Variants in DIAPH2 observed in about 807,000 individuals in gnomAD.
The protein encoded by DIAPH2 is diaphanous related formin 2.
A neutral mutation model predicts 92.7 loss-of-function variants in DIAPH2; 35 were observed. The observed-to-expected ratio is 0.38, with a 90% CI of 0.29 to 0.50. The LOEUF (loss-of-function observed/expected upper bound fraction) is 0.50. Ranked by LOEUF, DIAPH2 falls within the 20% of genes least tolerant of loss-of-function variation. DIAPH2 has a pLI of 0.94. For missense variants in DIAPH2, 701 were observed against 819.5 expected (o/e 0.86, Z 1.77); for synonymous variants, 301 against 280.4 (o/e 1.07, Z -0.73).
intron 4 of DIAPH2, among the ~76,000 whole-genome samples, chrX:96,775,262 G>C (rs2064368394): frequency 9.1e-6 from 1 of 109,305 alleles, no homozygotes; most frequent in South Asian, 3.9e-4. Flanking sequence ...ATTGCTTTTA[G>C]AGTGTCTACA....
At chrX:96,695,300 A>G (rs139619937) in intron 1 of DIAPH2, among the ~76,000 whole-genome samples, 1 of 112,478 alleles carries the variant, frequency 8.9e-6, no homozygotes, top group African/African-American at 3.2e-5. Context: ...TTTATGATTC[A>G]AAAATGGCCT....
chrX:96,945,521 T>C lies in DIAPH2; in HGVS notation c.1445-6T>C. The stretch of plus-strand genomic sequence containing the variant: ...ATTTCGAATCACTTTTGTTTGATCT[T>C]AATAGATTCTTGTGTGAACAAGGCG... On this transcript the variant is annotated splice_polypyrimidine_tract_variant and splice_region_variant and intron_variant, in intron 13 of 26. Transcript: ENST00000324765. 1 of 1,167,435 alleles carries C rather than the reference T, an allele frequency of 8.6e-7. No individual in the cohort carries two copies. Among genetic ancestry groups the C allele is most frequent in the Non-Finnish European group, 1.1e-6 (1 of 877,190 alleles).
chrX:96,875,566 G>T (rs2065172907), intron 4 of DIAPH2, among the ~76,000 whole-genome samples: 1 of 111,102 alleles, frequency 9.0e-6, no homozygotes, highest in African/African-American at 3.3e-5. Context: ...ATAATTTGCG[G>T]TATATTCTCT....
chrX:97,021,445 G>A (rs1421368412), intron 17 of DIAPH2, among the ~76,000 whole-genome samples: 4 of 111,643 alleles, frequency 3.6e-5, no homozygotes, highest in Non-Finnish European at 7.5e-5. Flanking sequence ...AAATCCACCC[G>A]CCTTGGCTTC....
Position 97,242,677 on chromosome X carries a change from T to A in DIAPH2, c.2720-5038T>A, listed in dbSNP as rs147726862. 5.9e-3 allele frequency among the ~76,000 whole-genome samples: 635 copies of A among 108,454 alleles called. 5 individuals carry two copies. Among genetic ancestry groups the A allele is most frequent in the African/African-American group, 0.02 (604 of 29,842 alleles). 94.2% of individuals were successfully genotyped at this position (108,454 alleles called of 115,157 possible). The stretch of plus-strand genomic sequence containing the variant: ...CATGGCACCTGGCCTCTAACCTACT[T>A]TTCTAAGTTACATTTGTTTTATCTG... On this transcript the variant is annotated intron_variant, in intron 22 of 26. Coordinates refer to ENST00000324765, the MANE Select transcript of DIAPH2 (RefSeq NM_006729.5).
intron 4 of DIAPH2, among the ~76,000 whole-genome samples, chrX:96,831,231 C>T (rs933536521): frequency 1.8e-5 from 2 of 111,617 alleles, no homozygotes; most frequent in Non-Finnish European, 3.8e-5. Flanking sequence ...GAAGCCTTTC[C>T]TAACTTCCCA....
chrX:97,093,357 A>G (rs2066841344), intron 19 of DIAPH2, among the ~76,000 whole-genome samples: 1 of 111,422 alleles, frequency 9.0e-6, no homozygotes, highest in African/African-American at 3.3e-5. Context: ...ATCCTGCCCA[A>G]GGATTTAATT....
intron 5 of DIAPH2, among the ~76,000 whole-genome samples, chrX:96,899,971 A>G (rs186169295): frequency 0.078 from 5,668 of 72,813 alleles, 159 homozygotes; most frequent in Middle Eastern, 0.2. Flanking sequence ...CCTTTTCTGC[A>G]TCTATTGAGA....
chrX:96,814,606 G>A (rs750960863), intron 4 of DIAPH2, among the ~76,000 whole-genome samples: 17 of 112,002 alleles, frequency 1.5e-4, no homozygotes, highest in East Asian at 2.8e-4. Context: ...GAGAAGAAGC[G>A]CTCTGGTTTT....
intron 25 of DIAPH2, among the ~76,000 whole-genome samples, chrX:97,399,400 C>T (rs867632991): frequency 8.9e-6 from 1 of 112,124 alleles, no homozygotes. Flanking sequence ...TTGTTATAAG[C>T]ATCCTCTTTT....
At chrX:96,759,597 A>G (rs978482667) in intron 4 of DIAPH2, among the ~76,000 whole-genome samples, 3 of 111,844 alleles carry the variant, frequency 2.7e-5, no homozygotes, top group African/African-American at 9.7e-5. Context: ...TGTACATTCA[A>G]TGTTATTTTT....
intron 5 of DIAPH2, among the ~76,000 whole-genome samples, chrX:96,883,655 C>T (rs769754807): frequency 2.7e-5 from 3 of 111,204 alleles, no homozygotes; most frequent in African/African-American, 9.8e-5. Context: ...TCTGGGATTA[C>T]AGGCGTGAGC....
intron 24 of DIAPH2, among the ~76,000 whole-genome samples, chrX:97,374,884 AT>A (rs1290931022): frequency 9.0e-6 from 1 of 111,609 alleles, no homozygotes; most frequent in Admixed American, 9.5e-5. Flanking sequence ...AGGTTGTTCA[AT>A]TTCTTGTTCA....
intron 17 of DIAPH2, among the ~76,000 whole-genome samples, chrX:96,970,456 C>A (rs1477035361): frequency 9.0e-6 from 1 of 110,596 alleles, no homozygotes; most frequent in Non-Finnish European, 1.9e-5. Flanking sequence ...AGCTTCTTCC[C>A]GATTCAATCT....
intron 26 of DIAPH2, among the ~76,000 whole-genome samples, chrX:97,596,212 A>T (rs1328884262): frequency 8.9e-6 from 1 of 112,130 alleles, no homozygotes; most frequent in Non-Finnish European, 1.9e-5. Flanking sequence ...TAGTCTATGA[A>T]TTAAGAAAAA....
rs776292626 is a variant in DIAPH2, at chrX:96,812,075, G to T, written c.447+53817G>T. On this transcript the variant is annotated intron_variant, in intron 4 of 26. Coordinates refer to ENST00000324765, the MANE Select transcript of DIAPH2 (RefSeq NM_006729.5). The stretch of plus-strand genomic sequence containing the variant: ...GGATTCCCTCTGTTTCTATTGATTG[G>T]AATAGTTTCAGAAGGAATGGTACCA... 7.2e-5 allele frequency among the ~76,000 whole-genome samples: 8 copies of T among 111,818 alleles called. No homozygotes were observed. The South Asian group carries it at 3.0e-3, about 42-fold the overall frequency.
chrX:96,815,756 C>G (rs1305136086), intron 4 of DIAPH2, among the ~76,000 whole-genome samples: 1 of 111,352 alleles, frequency 9.0e-6, no homozygotes, highest in Non-Finnish European at 1.9e-5. Flanking sequence ...CCTCCTCCTC[C>G]CACGTTCAAG....
intron 22 of DIAPH2, among the ~76,000 whole-genome samples, chrX:97,221,994 A>C (rs4828048): frequency 0.49 from 53,533 of 109,758 alleles, 10,066 homozygotes; most frequent in Non-Finnish European, 0.6. Context: ...CTTTGTACCA[A>C]AGATTTATAT....
chrX:96,955,460 A>G (rs764688360), intron 15 of DIAPH2, among the ~76,000 whole-genome samples: 26 of 111,531 alleles, frequency 2.3e-4, no homozygotes, highest in African/African-American at 8.5e-4. Flanking sequence ...CTCACATTTC[A>G]AAACACAATC....
Sources: allele counts gnomAD v4.1 joint callset (sites outside exome capture counted in the v4.1 genomes callset), GRCh38; gene constraint gnomAD v4.1.1; transcripts MANE v1.5; gene names NCBI Gene and HGNC (gene_info 2026-07-23, HGNC 2026-07-21).